The following EHMT2 variants were observed in gnomAD, a reference collection of about 807,000 sequenced individuals.
EHMT2 encodes euchromatic histone lysine methyltransferase 2.
A neutral mutation model predicts 143.3 loss-of-function variants in EHMT2; 59 were observed. The ratio of observed to expected loss-of-function variants is 0.41; its 90% CI spans 0.33 to 0.51. The LOEUF is 0.51. EHMT2 is among the 20% of genes least tolerant of loss of function. The pLI is 0.18. For synonymous variants in EHMT2, 604 were observed against 651.5 expected (o/e 0.93, Z 1.11); for missense variants, 1,174 against 1,645.9 (o/e 0.71, Z 4.96).
intron 4 of EHMT2, chr6:31,893,429 T>C (rs1038319980): frequency 7.1e-6 from 3 of 423,756 alleles, no homozygotes; most frequent in Non-Finnish European, 1.4e-5. Flanking sequence ...GCCATTCTCC[T>C]GCCTCAGCTT....
chr6:31,896,184 G>C, intron 4 of EHMT2, 79 bp downstream of exon 4: 1 of 1,525,838 alleles, frequency 6.6e-7, no homozygotes, highest in Non-Finnish European at 8.8e-7. Flanking sequence ...AGTAAATGGA[G>C]TAGAAGCCTT....
At chr6:31,896,459 C>G (rs1201009079) in exon 4 of EHMT2, 1 of 1,612,976 alleles carries the variant, frequency 6.2e-7, no homozygotes, top group Non-Finnish European at 8.5e-7. Flanking sequence ...CATCTTGGCC[C>G]GGCTAGGACA....
Position 31,883,961 on chromosome 6 carries a change from C to T in EHMT2, c.2772-11G>A, listed in dbSNP as rs118100325. 515 of 1,611,984 alleles carry T rather than the reference C, an allele frequency of 3.2e-4. 13 individuals carry two copies. The East Asian group carries it at 9.1e-3, about 28-fold the overall frequency. On this transcript the variant is annotated splice_polypyrimidine_tract_variant and intron_variant, in intron 21 of 27. Transcript: ENST00000375537. The surrounding 1 kb of genome is among the most constrained non-coding windows in gnomAD (Gnocchi z 5.6). ...CCCCGAGCCACGTCCCTGCAGAAGA[C>T]GGGAAGAAGGGGCTGGGAAGCTGGA...
exon 24 of EHMT2, chr6:31,882,902 A>T: frequency 6.2e-7 from 1 of 1,612,728 alleles, no homozygotes; most frequent in Non-Finnish European, 8.5e-7. Flanking sequence ...ACTTGATGCC[A>T]CTCTGTACGA....
exon 17 of EHMT2, chr6:31,886,828 G>C: frequency 1.2e-6 from 2 of 1,614,228 alleles, no homozygotes; most frequent in Non-Finnish European, 1.7e-6. Context: ...ACCTCCAGGT[G>C]GTTGTTCACC....
At position 31,889,361 on chromosome 6, in the gene EHMT2, A is replaced by G; in HGVS notation, c.1000-19T>C. The stretch of plus-strand genomic sequence containing the variant: ...AACCACTCTGGGAAGGGGGAGGAGG[A>G]GGAGTTAGGAACCCTCACCCCCAGG... On this transcript the variant is annotated intron_variant, in intron 8 of 27. Transcript: ENST00000375537. The surrounding 1 kb of genome is among the most constrained non-coding windows in gnomAD (Gnocchi z 5.1). 1 of 1,610,874 alleles carries G rather than the reference A, an allele frequency of 6.2e-7. No individual in the cohort carries two copies. Among genetic ancestry groups the G allele is most frequent in the African/African-American group, 1.3e-5 (1 of 74,920 alleles).
intron 25 of EHMT2, 88 bp downstream of exon 25, chr6:31,882,611 G>C (rs925068909): frequency 1.6e-6 from 2 of 1,289,474 alleles, no homozygotes; most frequent in Admixed American, 3.9e-5. Flanking sequence ...TGACTCATCA[G>C]GGCAGATGGC....
Position 31,888,917 on chromosome 6 carries a change from C to T in EHMT2, c.1216+52G>A, listed in dbSNP as rs1765290075. ...TGGTTCCCCTCCTTCCCTTTCCCTC[C>T]TGCCCTGAGGTCGCCCCCTAGTGGC... On this transcript the variant is annotated intron_variant, in intron 10 of 27. Coordinates refer to ENST00000375537, the Ensembl canonical transcript of EHMT2. The surrounding 1 kb of genome is among the most constrained non-coding windows in gnomAD (Gnocchi z 7.4). The T allele has an allele frequency of 2.6e-6, 4 of 1,538,692 alleles. No homozygotes were observed. In the East Asian group the frequency reaches 6.9e-5, roughly 27 times the overall value.
Position 31,888,363 on chromosome 6 carries a change from C to G in EHMT2, c.1509G>C (p.Ala503=), listed in dbSNP as rs144132028. The change falls in exon 12 of 28, where the codon GCG becomes GCC. Residue 503 remains alanine, a splice_region_variant and synonymous_variant. Coordinates refer to ENST00000375537, the Ensembl canonical transcript of EHMT2. This position sits in a 1 kb window ranked among gnomAD's most constrained non-coding sequence, Gnocchi z 7.4. Reference sequence around the variant, plus strand: ...CCTGTCTGCCCCACTGGTCACTCACCGCCGTGCAGAAGTAGCCGCAGCCCG... The same window carrying G: ...CCTGTCTGCCCCACTGGTCACTCACGGCCGTGCAGAAGTAGCCGCAGCCCG... 6.2e-7 allele frequency: 1 copy of G among 1,612,410 alleles called. No homozygotes were observed. Among genetic ancestry groups the G allele is most frequent in the South Asian group, 1.1e-5 (1 of 90,996 alleles).
intron 7 of EHMT2, among the ~76,000 whole-genome samples, chr6:31,890,717 TA>T (rs928606801): frequency 2.0e-5 from 3 of 149,804 alleles, no homozygotes; most frequent in African/African-American, 7.3e-5. Flanking sequence ...TACAAAAAAT[TA>T]GCTGGGCATG....
rs749235407 is a variant in EHMT2 at position 31,882,868 on chromosome 6, G to A, written c.3110+26C>T. On this transcript the variant is annotated intron_variant, in intron 24 of 27. Coordinates refer to ENST00000375537, the Ensembl canonical transcript of EHMT2. ...GGGAGGAAAGGGTGAGGTGGGGAGA[G>A]GGTGGGCTGTGGAGCAGGGCCTCAC... 8.1e-6 allele frequency: 13 copies of A among 1,611,818 alleles called. No homozygotes were observed. The South Asian group carries it at 1.4e-4, about 18-fold the overall frequency.
In EHMT2 at chr6:31,881,310, C is replaced by T; in HGVS notation, c.3198-218G>A. 2 of 615,264 alleles carry T rather than the reference C, an allele frequency of 3.3e-6. No individual in the cohort carries two copies. Among genetic ancestry groups the T allele is most frequent in the South Asian group, 3.7e-5 (2 of 53,564 alleles). The allele number at this position is 615,264 out of a possible 1,614,324, so 38.1% of individuals were successfully genotyped here. A position where few individuals can be genotyped will look rare whatever the true frequency, so the allele number is the denominator to read the frequency against. On this transcript the variant is annotated intron_variant, in intron 25 of 27. Transcript: ENST00000375537. This position sits in a 1 kb window ranked among gnomAD's most constrained non-coding sequence, Gnocchi z 4.8. Reference sequence around the variant, plus strand: ...AGTCAGCACAGAGACAGACAACAAGCTCTGTGGTTAAGGGGATTAATGTGT... The same window carrying T: ...AGTCAGCACAGAGACAGACAACAAGTTCTGTGGTTAAGGGGATTAATGTGT...
In EHMT2 at chr6:31,888,026, G is replaced by A. The variant is rs781757899; in HGVS notation, c.1745+15C>T. ...GGGGGAGGGAACAGACAGTACAGAA[G>A]GGGGAGGCCAGTACCTGGGCTGAGA... On this transcript the variant is annotated intron_variant, in intron 13 of 27. Coordinates refer to ENST00000375537, the Ensembl canonical transcript of EHMT2. The surrounding 1 kb of genome is among the most constrained non-coding windows in gnomAD (Gnocchi z 7.4). 3 of 1,572,566 alleles carry A rather than the reference G, an allele frequency of 1.9e-6. No homozygotes were observed. The highest frequency in any genetic ancestry group is 1.7e-6 in the Non-Finnish European group (2 of 1,159,570).
exon 3 of EHMT2, chr6:31,896,772 G>C (rs181397127): frequency 6.2e-7 from 1 of 1,613,080 alleles, no homozygotes; most frequent in Non-Finnish European, 8.5e-7. Flanking sequence ...AGTCGGGGGT[G>C]GCCTTGGGCA....
chr6:31,889,407 G>C lies in EHMT2; in HGVS notation c.999+61C>G. ...CCAGGGGCCCCCCCAACACCTTCAG[G>C]ACCAGACCTCCAGCCCCATAGTCTC... is the stretch of plus-strand genomic sequence containing the variant. On this transcript the variant is annotated intron_variant, in intron 8 of 27. Coordinates refer to ENST00000375537, the Ensembl canonical transcript of EHMT2. The surrounding 1 kb of genome is among the most constrained non-coding windows in gnomAD (Gnocchi z 5.1). 6.2e-7 allele frequency: 1 copy of C among 1,608,354 alleles called. No homozygotes were observed. The highest frequency in any genetic ancestry group is 8.5e-7 in the Non-Finnish European group (1 of 1,177,686).
Position 31,883,068 on chromosome 6 carries a change from C to G in EHMT2, c.2995-59G>C. On this transcript the variant is annotated intron_variant, in intron 23 of 27. Coordinates refer to ENST00000375537, the Ensembl canonical transcript of EHMT2. The surrounding 1 kb of genome is among the most constrained non-coding windows in gnomAD (Gnocchi z 5.6). ...GTGGGGCCCACCTCAGCTGCCCACC[C>G]AGGAACCCCAAGACTCTACAGAGAC... 6.8e-7 allele frequency: 1 copy of G among 1,474,034 alleles called. No homozygotes were observed. The highest frequency in any genetic ancestry group is 9.4e-7 in the Non-Finnish European group (1 of 1,063,900). 91.3% of individuals were successfully genotyped at this position (1,474,034 alleles called of 1,614,324 possible).
chr6:31,889,466 A>C lies in EHMT2; in HGVS notation c.999+2T>G. On this transcript the variant is annotated splice_donor_variant, in intron 8 of 27. Transcript: ENST00000375537. LOFTEE classifies it high-confidence loss of function. The surrounding 1 kb of genome is among the most constrained non-coding windows in gnomAD (Gnocchi z 5.1). ...CTGGAGATATCAGCCTCCGTCTCTT[A>C]CCCTATCTGACTGATTCCCTGACTC... The C allele has an allele frequency of 6.2e-7, 1 of 1,612,428 alleles. No homozygotes were observed. The highest frequency in any genetic ancestry group is 1.1e-5 in the South Asian group (1 of 91,036).
rs750966546 is a variant in EHMT2 at position 31,888,127 on chromosome 6, C to G, written c.1659G>C (p.Gly553=). Residue 553 remains glycine (G), a synonymous_variant, in exon 13 of 28, where the codon GGG becomes GGC. Transcript: ENST00000375537. This position sits in a 1 kb window ranked among gnomAD's most constrained non-coding sequence, Gnocchi z 7.4. The stretch of plus-strand genomic sequence containing the variant: ...CTGCAGTGCCGGCCGGTGGGGTCAC[C>G]CCGTCACCCCGGGGGATGGTCACCT... 2 of 1,612,300 alleles carry G rather than the reference C, an allele frequency of 1.2e-6. No homozygotes were observed. The highest frequency in any genetic ancestry group is 1.7e-6 in the Non-Finnish European group (2 of 1,179,752).
chr6:31,892,598 C>G (rs780978227), intron 6 of EHMT2, 36 bp from the exon 7 acceptor site: 1 of 1,612,800 alleles, frequency 6.2e-7, no homozygotes, highest in Admixed American at 1.7e-5. Flanking sequence ...GCCACTGACA[C>G]CCTGCGCATT....
Sources: gnomAD v4.1 joint callset for allele counts (sites outside exome capture counted in the v4.1 genomes callset) on GRCh38, gnomAD v4.1.1 for gene constraint, Gnocchi (gnomAD v3.1) non-coding constraint, MANE v1.5 for transcripts, NCBI Gene and HGNC (gene_info 2026-07-23, HGNC 2026-07-21) for gene names.